The following RTF2 variants were observed in gnomAD, a reference collection of about 807,000 sequenced individuals.
RTF2 encodes replication termination factor 2, also known as UPF0549 protein C20orf43.
RTF2 carries 18 observed loss-of-function variants against 38.0 expected under a neutral mutation model. The observed-to-expected ratio is 0.47, with a 90% confidence interval of 0.33 to 0.70. RTF2 has a LOEUF of 0.70. RTF2 is among the 30% of genes least tolerant of loss of function. The pLI, the probability that RTF2 is intolerant of heterozygous loss-of-function variation, is 0.02. For missense variants in RTF2, 311 were observed against 379.6 expected, an observed-to-expected ratio of 0.82 and a Z score of 1.50; for synonymous variants, 126 against 137.1, an observed-to-expected ratio of 0.92 and a Z score of 0.57.
intron 5 of RTF2, chr20:56,491,566 C>CA: frequency 6.5e-7 from 1 of 1,544,134 alleles, no homozygotes; most frequent in Non-Finnish European, 8.8e-7. Flanking sequence ...CCTAGCGGTT[C>CA]AGTCTCATAT....
chr20:56,499,194 C>CTTT lies in RTF2; in HGVS notation c.478-14103_478-14101dup, dbSNP rs774875921. 3.0e-3 allele frequency among the ~76,000 whole-genome samples: 400 copies of CTTT among 133,044 alleles called. 9 individuals carry two copies. The highest frequency in any genetic ancestry group is 0.011 in the African/African-American group (379 of 35,346). 87.3% of individuals were successfully genotyped at this position (133,044 alleles called of 152,430 possible). A position where few individuals can be genotyped will look rare whatever the true frequency, so the allele number is the denominator to read the frequency against. On this transcript the variant is annotated intron_variant, in intron 5 of 8. Coordinates refer to ENST00000357348, the MANE Select transcript of RTF2 (RefSeq NM_016407.5). ...TTCTTATAAATTATGTAATACTTATCTTTTTTTTTTTTTTTTTTTTGAGAC... is the reference window on the plus strand; with the variant it reads ...TTCTTATAAATTATGTAATACTTATCTTTTTTTTTTTTTTTTTTTTTTTGAGAC...
Position 56,500,978 on chromosome 20 carries a change from T to TA in RTF2, c.478-12337_478-12336insA, listed in dbSNP as rs1568705034. On this transcript the variant is annotated intron_variant, in intron 5 of 8. Transcript: ENST00000357348. ...GGTTTTGCCACACAAGCTTTTTTTT[T>TA]TAAAAAAAATCTTTTAAAAATTGAT... Among the ~76,000 whole-genome samples the TA allele has an allele frequency of 2.7e-3, 417 of 151,712 alleles. 2 individuals carry two copies. Among genetic ancestry groups the TA allele is most frequent in the East Asian group, 0.016 (82 of 5,178 alleles).
chr20:56,514,196 G>A (rs982853506), intron 6 of RTF2: 4 of 152,208 alleles, frequency 2.6e-5, no homozygotes, highest in African/African-American at 9.7e-5. Flanking sequence ...GCATTGCTGA[G>A]TAACGTGGCG....
At chr20:56,480,293 A>G (rs932423467) in intron 4 of RTF2, among the ~76,000 whole-genome samples, 6 of 152,142 alleles carry the variant, frequency 3.9e-5, no homozygotes, top group East Asian at 1.9e-4. Flanking sequence ...CTCATGAACC[A>G]ACTTCTTCCA....
chr20:56,518,297 GGTT>G lies in RTF2; in HGVS notation c.*36_*38del. 6 of 1,593,436 alleles carry G rather than the reference GGTT, an allele frequency of 3.8e-6. No homozygotes were observed. The highest frequency in any genetic ancestry group is 5.1e-6 in the Non-Finnish European group (6 of 1,171,176). On this transcript the variant is annotated 3_prime_UTR_variant, in exon 9 of 9. Transcript: ENST00000357348. ...CACTGCCACCGCTCCTGCCCCAGAA[GGTT>G]GTTTAGTTTCCACGTAGGCAGGTCG... is the stretch of plus-strand genomic sequence containing the variant.
In RTF2 at chr20:56,518,214, C is replaced by T; in HGVS notation, c.870C>T (p.Arg290=). 6.2e-7 allele frequency: 1 copy of T among 1,614,174 alleles called. No homozygotes were observed. Among genetic ancestry groups the T allele is most frequent in the East Asian group, 2.2e-5 (1 of 44,880 alleles). The change falls in exon 9 of 9, where the codon CGC becomes CGT. Residue 290 remains arginine (R), a synonymous_variant. Transcript: ENST00000357348. ...SLFTTHSSAK[R]SKEESAHWVT... is the part of the protein sequence containing the mutation. ...TTACCACTCACAGCTCCGCCAAGCG[C>T]TCCAAGGAGGAGTCTGCCCACTGGG...
chr20:56,490,344 G>A (rs769220532), intron 5 of RTF2, among the ~76,000 whole-genome samples: 26 of 152,192 alleles, frequency 1.7e-4, no homozygotes, highest in Non-Finnish European at 2.8e-4. Flanking sequence ...GATGCTGTAT[G>A]AACTCTTTTA....
rs1306221778 is a variant in RTF2 at position 56,518,745 on chromosome 20, C to G, written c.*480C>G. On this transcript the variant is annotated 3_prime_UTR_variant, in exon 9 of 9. Transcript: ENST00000357348. ...AGGGCCTCGTCCCTCTGCTACAGCC[C>G]TGGGAGGAGCCAGGATCCTTGTTGG... 6.5e-6 allele frequency: 1 copy of G among 152,786 alleles called. No individual in the cohort carries two copies. The highest frequency in any genetic ancestry group is 2.4e-5 in the African/African-American group (1 of 41,472). 9.5% of individuals were successfully genotyped at this position (152,786 alleles called of 1,614,324 possible). A position where few individuals can be genotyped will look rare whatever the true frequency, so the allele number is the denominator to read the frequency against.
chr20:56,503,469 ACAAATGGTAG>A (rs971313969), intron 5 of RTF2, among the ~76,000 whole-genome samples: 56 of 152,350 alleles, frequency 3.7e-4, no homozygotes, highest in African/African-American at 1.3e-3. Flanking sequence ...TGAGGGGTTA[ACAAATGGTAG>A]CATTTTATAT....
At chr20:56,496,565 C>G in intron 5 of RTF2, 1 of 1,409,098 alleles carries the variant, frequency 7.1e-7, no homozygotes. Context: ...GTCAGTCAAT[C>G]AATCAATCAA....
In RTF2 at chr20:56,516,919, C is replaced by T. The variant is rs534046428; in HGVS notation, c.592-16C>T. 3.9e-5 allele frequency: 63 copies of T among 1,612,972 alleles called. No individual in the cohort carries two copies. The South Asian group carries it at 5.8e-4, about 15-fold the overall frequency. On this transcript the variant is annotated splice_polypyrimidine_tract_variant and intron_variant, in intron 6 of 8. Transcript: ENST00000357348. Reference sequence around the variant, plus strand: ...GAATCTGAGCACAGCCTCCAACATTCTCTATCTTTTTGTAGAAAACAAAGA... The same window carrying T: ...GAATCTGAGCACAGCCTCCAACATTTTCTATCTTTTTGTAGAAAACAAAGA...
At chr20:56,506,448 T>G (rs997511610) in intron 5 of RTF2, among the ~76,000 whole-genome samples, 13 of 152,174 alleles carry the variant, frequency 8.5e-5, no homozygotes, top group Admixed American at 4.6e-4. Context: ...GCACAAAGAT[T>G]GGGAAGCCAC....
At chr20:56,510,420 A>G (rs1240280769) in intron 5 of RTF2, among the ~76,000 whole-genome samples, 1 of 152,198 alleles carries the variant, frequency 6.6e-6, no homozygotes, top group East Asian at 1.9e-4. Flanking sequence ...AGATCAGAAG[A>G]TGTAAAACAG....
chr20:56,506,405 G>A (rs1194647418), intron 5 of RTF2, among the ~76,000 whole-genome samples: 2 of 145,596 alleles, frequency 1.4e-5, no homozygotes, highest in African/African-American at 5.2e-5. Context: ...AGAGATGCAT[G>A]CAGTCAGCTG....
intron 1 of RTF2, chr20:56,470,845 A>G: frequency 2.8e-6 from 1 of 352,360 alleles, no homozygotes; most frequent in South Asian, 2.1e-5. Context: ...CCCCAACTCC[A>G]TGAGGACAGC....
At chr20:56,503,087 C>T (rs1984025014) in intron 5 of RTF2, among the ~76,000 whole-genome samples, 1 of 152,242 alleles carries the variant, frequency 6.6e-6, no homozygotes. Context: ...GGCCCCAAAA[C>T]TGTAACTGCA....
rs574250369 is a variant in RTF2 at position 56,506,866 on chromosome 20, A to G, written c.478-6449A>G. On this transcript the variant is annotated intron_variant, in intron 5 of 8. Transcript: ENST00000357348. ...CAGGCGCCCACCACCATGCCCGACT[A>G]ATTTTTTGTATTTTTAGTAGAGACG... Among the ~76,000 whole-genome samples the G allele has an allele frequency of 1.1e-4, 16 of 152,100 alleles. No homozygotes were observed. In the East Asian group the frequency reaches 2.9e-3, roughly 28 times the overall value.
chr20:56,497,369 A>T (rs773355287), intron 5 of RTF2: 6 of 1,549,964 alleles, frequency 3.9e-6, no homozygotes, highest in Non-Finnish European at 5.2e-6. Flanking sequence ...TGTGTAAATG[A>T]GCATGTATTT....
chr20:56,509,051 C>T (rs1357626874), intron 5 of RTF2, among the ~76,000 whole-genome samples: 1 of 152,142 alleles, frequency 6.6e-6, no homozygotes, highest in African/African-American at 2.4e-5. Flanking sequence ...TTGTAATTAT[C>T]CAGTGTAAGA....
Sources: allele counts gnomAD v4.1 joint callset (sites outside exome capture counted in the v4.1 genomes callset), GRCh38; gene constraint gnomAD v4.1.1; transcripts MANE v1.5; gene names NCBI Gene and HGNC (gene_info 2026-07-23, HGNC 2026-07-21).